The following AMER2 variants were observed in gnomAD, a reference collection of about 807,000 sequenced individuals.
AMER2 encodes the protein APC membrane recruitment protein 2.
A neutral mutation model predicts 4.7 loss-of-function variants in AMER2; 1 was observed. That is an observed-to-expected ratio of 0.21 (90% confidence interval 0.07 to 1.00). AMER2 has a LOEUF of 1.00. Ranked by LOEUF, AMER2 falls within the 50% of genes least tolerant of loss-of-function variation. The probability of loss-of-function intolerance (pLI) is 0.60; values close to 1 mark genes in which losing one functional copy is unlikely to be tolerated. For synonymous variants in AMER2, 485 were observed against 433.3 expected (o/e 1.12, Z -1.48); for missense variants, 988 against 966.9 (o/e 1.02, Z -0.29).
chr13:25,171,635 T>G lies in AMER2; in HGVS notation c.-16A>C. On this transcript the variant is annotated 5_prime_UTR_variant, in exon 1 of 1. Coordinates refer to ENST00000515384, the MANE Select transcript of AMER2 (RefSeq NM_152704.4). The surrounding 1 kb of genome is among the most constrained non-coding windows in gnomAD (Gnocchi z 5.9). The stretch of plus-strand genomic sequence containing the variant: ...TCGTCTCCATGGAAACCGCGCGGGA[T>G]AAGCCGCTTTCGTCAGCAGTGGGCT... 10 of 1,462,968 alleles carry G rather than the reference T, an allele frequency of 6.8e-6. No homozygotes were observed. Among genetic ancestry groups the G allele is most frequent in the Non-Finnish European group, 8.9e-6 (10 of 1,120,014 alleles). The allele number at this position is 1,462,968 out of a possible 1,614,324, so 90.6% of individuals were successfully genotyped here.
Position 25,162,053 on chromosome 13 carries a change from A to C in AMER2, c.*7551T>G, listed in dbSNP as rs1164567776. 8 of 152,192 alleles carry C rather than the reference A, an allele frequency of 5.3e-5. No homozygotes were observed. The highest frequency in any genetic ancestry group is 1.2e-4 in the Non-Finnish European group (8 of 68,036). 9.4% of individuals were successfully genotyped at this position (152,192 alleles called of 1,614,324 possible). On this transcript the variant is annotated 3_prime_UTR_variant, in exon 1 of 1. Transcript: ENST00000515384. The stretch of plus-strand genomic sequence containing the variant: ...AACATAGAATTAGTTCTAGGAGACA[A>C]TTTTTGATGTTTTTCAGGGGTTTAA...
chr13:25,168,207 A>T lies in AMER2; in HGVS notation c.*1397T>A, dbSNP rs1234900560. 3.3e-5 allele frequency: 5 copies of T among 152,226 alleles called. No homozygotes were observed. 9.4% of individuals were successfully genotyped at this position (152,226 alleles called of 1,614,324 possible). A position where few individuals can be genotyped will look rare whatever the true frequency, so the allele number is the denominator to read the frequency against. The stretch of plus-strand genomic sequence containing the variant: ...TCATCTGAAATATTAGAAAACATAC[A>T]TAGAAGCAAACCACTTTTCAAAAAA... On this transcript the variant is annotated 3_prime_UTR_variant, in exon 1 of 1. Coordinates refer to ENST00000515384, the MANE Select transcript of AMER2 (RefSeq NM_152704.4).
In AMER2 at chr13:25,171,244, CG is replaced by C; in HGVS notation, c.375del (p.Gly127AlafsTer41). 1 of 1,414,676 alleles carries C rather than the reference CG, an allele frequency of 7.1e-7. No individual in the cohort carries two copies. The allele number at this position is 1,414,676 out of a possible 1,614,324, so 87.6% of individuals were successfully genotyped here. A position where few individuals can be genotyped will look rare whatever the true frequency, so the allele number is the denominator to read the frequency against. ...CCGCCGCCCCCGCCGCTGTCGCCCC[CG>C]CCGCGCGGCTCCTCCTTCCTGCCGC... ...LESGRKEEPRGGGDSGGGGGG... is the reference protein window; with the variant it reads ...LESGRKEEPRXGGDSGGGGGG... On this transcript the variant is annotated frameshift_variant, in exon 1 of 1. Coordinates refer to ENST00000515384, the MANE Select transcript of AMER2 (RefSeq NM_152704.4). LOFTEE classifies it low-confidence loss of function (END_TRUNC). The surrounding 1 kb of genome is among the most constrained non-coding windows in gnomAD (Gnocchi z 5.9).
chr13:25,169,095 GT>G lies in AMER2; in HGVS notation c.*508del, dbSNP rs1956514916. The G allele has an allele frequency of 6.6e-6, 1 of 151,708 alleles. No individual in the cohort carries two copies. The allele number at this position is 151,708 out of a possible 1,614,324, so 9.4% of individuals were successfully genotyped here. On this transcript the variant is annotated 3_prime_UTR_variant, in exon 1 of 1. Transcript: ENST00000515384. This position sits in a 1 kb window ranked among gnomAD's most constrained non-coding sequence, Gnocchi z 4.2. ...ACACAGTGATACAGCAAAGGGTTTT[GT>G]TTTTGTTTTTGTTTTTTTTTAACTG...
rs940454039 is a variant in AMER2 at position 25,162,857 on chromosome 13, T to C, written c.*6747A>G. The C allele has an allele frequency of 2.6e-5, 4 of 152,178 alleles. No homozygotes were observed. The highest frequency in any genetic ancestry group is 9.7e-5 in the African/African-American group (4 of 41,438). 9.4% of individuals were successfully genotyped at this position (152,178 alleles called of 1,614,324 possible). A position where few individuals can be genotyped will look rare whatever the true frequency, so the allele number is the denominator to read the frequency against. On this transcript the variant is annotated 3_prime_UTR_variant, in exon 1 of 1. Coordinates refer to ENST00000515384, the MANE Select transcript of AMER2 (RefSeq NM_152704.4). ...CAATACCTACCTTACATGGTTCTTG[T>C]GAAGAGTAAAGATAACAATGTAAAA...
In AMER2 at chr13:25,171,439, C is replaced by G. The variant is rs1476925017; in HGVS notation, c.181G>C (p.Gly61Arg). 5.6e-6 allele frequency: 9 copies of G among 1,612,522 alleles called. No individual in the cohort carries two copies. In the Admixed American group the frequency reaches 1.5e-4, roughly 27 times the overall value. ...TTGAAGGCAGCTTTATTAATCTTCC[C>G]CGACGGCGGCTCGGCGGCCGGCGTT... Reference protein sequence around the residue: ...AETPAAEPPSGKINKAAFKLF... With the variant: ...AETPAAEPPSRKINKAAFKLF... The change falls in exon 1 of 1, where the codon GGG becomes CGG. Residue 61 changes from glycine (G) to arginine (R), a missense_variant. Gly to Arg is a moderately radical substitution (Grantham distance 125, BLOSUM62 -2). Coordinates refer to ENST00000515384, the MANE Select transcript of AMER2 (RefSeq NM_152704.4). The surrounding 1 kb of genome is among the most constrained non-coding windows in gnomAD (Gnocchi z 5.9).
chr13:25,169,994 C>T lies in AMER2; in HGVS notation c.1626G>A (p.Lys542=). 6.2e-7 allele frequency: 1 copy of T among 1,613,966 alleles called. No individual in the cohort carries two copies. Among genetic ancestry groups the T allele is most frequent in the East Asian group, 2.2e-5 (1 of 44,872 alleles). ...TGTAGCTATCCCGGGGGATGCCCGC[C>T]TTCTTCCCGCTGCTCGAGCTGTCTT... ...PEEDSSSSGK[K]AGIPRDSYSG... Residue 542 remains lysine, a synonymous_variant, in exon 1 of 1, where the codon AAG becomes AAA. Transcript: ENST00000515384. The surrounding 1 kb of genome is among the most constrained non-coding windows in gnomAD (Gnocchi z 4.2).
In AMER2 at chr13:25,169,295, C is replaced by T. The variant is rs1452598003; in HGVS notation, c.*309G>A. ...TTTCTGCAAAGGCAAGTAAAGGTGA[C>T]TTCCAAGTGTTCAGTATATTAAAGC... On this transcript the variant is annotated 3_prime_UTR_variant, in exon 1 of 1. Transcript: ENST00000515384. The surrounding 1 kb of genome is among the most constrained non-coding windows in gnomAD (Gnocchi z 4.2). 4.4e-6 allele frequency: 1 copy of T among 229,104 alleles called. No individual in the cohort carries two copies. The highest frequency in any genetic ancestry group is 9.9e-5 in the East Asian group (1 of 10,130). The allele number at this position is 229,104 out of a possible 1,614,324, so 14.2% of individuals were successfully genotyped here.
rs772487679 is a variant in AMER2, at chr13:25,169,853, T to C, written c.1767A>G (p.Pro589=). The change falls in exon 1 of 1, where the codon CCA becomes CCG. Residue 589 remains proline, a synonymous_variant. Coordinates refer to ENST00000515384, the MANE Select transcript of AMER2 (RefSeq NM_152704.4). The surrounding 1 kb of genome is among the most constrained non-coding windows in gnomAD (Gnocchi z 4.2). ...TTCGCAGTGGACAGGTGATGGTGCCTGGAGATACGGGCTTTAACCGGGACA... is the reference window on the plus strand; with the variant it reads ...TTCGCAGTGGACAGGTGATGGTGCCCGGAGATACGGGCTTTAACCGGGACA... The part of the protein sequence containing the change: ...SSLSRLKPVS[P]GTITCPLRTP... 6.8e-6 allele frequency: 11 copies of C among 1,614,008 alleles called. No individual in the cohort carries two copies. The Admixed American group carries it at 1.3e-4, about 20-fold the overall frequency.
rs1445819229 is a variant in AMER2, at chr13:25,168,762, T to C, written c.*842A>G. On this transcript the variant is annotated 3_prime_UTR_variant, in exon 1 of 1. Transcript: ENST00000515384. ...TTATCTTCACATGAAAAGGTTTCAG[T>C]TTATAAATGCTTAAATACTGTATCT... 1.3e-5 allele frequency: 2 copies of C among 152,630 alleles called. No homozygotes were observed. Among genetic ancestry groups the C allele is most frequent in the Non-Finnish European group, 2.9e-5 (2 of 68,036 alleles). The allele number at this position is 152,630 out of a possible 1,614,324, so 9.5% of individuals were successfully genotyped here.
Position 25,171,170 on chromosome 13 carries a change from G to C in AMER2, c.450C>G (p.Gly150=). 1 of 1,530,132 alleles carries C rather than the reference G, an allele frequency of 6.5e-7. No individual in the cohort carries two copies. Among genetic ancestry groups the C allele is most frequent in the South Asian group, 1.2e-5 (1 of 81,896 alleles). The allele number at this position is 1,530,132 out of a possible 1,614,324, so 94.8% of individuals were successfully genotyped here. The part of the protein sequence containing the change: ...GPPRAAGPGG[G]SLASSSVAKS... ...TGGCCACCGAGCTGCTGGCGAGGGAGCCCCCGCCGGGCCCTGCGGCTCTGG... is the reference window on the plus strand; with the variant it reads ...TGGCCACCGAGCTGCTGGCGAGGGACCCCCCGCCGGGCCCTGCGGCTCTGG... Residue 150 remains glycine (G), a synonymous_variant, in exon 1 of 1, where the codon GGC becomes GGG. Coordinates refer to ENST00000515384, the MANE Select transcript of AMER2 (RefSeq NM_152704.4). This position sits in a 1 kb window ranked among gnomAD's most constrained non-coding sequence, Gnocchi z 5.9.
In AMER2 at chr13:25,170,938, C is replaced by A. The variant is rs747079564; in HGVS notation, c.682G>T (p.Gly228Cys). The A allele has an allele frequency of 2.0e-6, 3 of 1,502,856 alleles. No homozygotes were observed. In the Admixed American group the frequency reaches 6.4e-5, roughly 32 times the overall value. The allele number at this position is 1,502,856 out of a possible 1,614,324, so 93.1% of individuals were successfully genotyped here. ...CACTCCAGGCTGGCGGTGAGCGAGC[C>A]GGGTAGGATCAAGCCGCCCCCGGGC... ...RAPGGGLILPGSLTASLECVK... is the reference protein window; with the variant it reads ...RAPGGGLILPCSLTASLECVK... Residue 228 changes from glycine to cysteine, a missense_variant, in exon 1 of 1, where the codon GGC becomes TGC. Transcript: ENST00000515384. This position sits in a 1 kb window ranked among gnomAD's most constrained non-coding sequence, Gnocchi z 7.3.
chr13:25,170,282 G>C lies in AMER2; in HGVS notation c.1338C>G (p.Thr446=). 1 of 1,613,514 alleles carries C rather than the reference G, an allele frequency of 6.2e-7. No individual in the cohort carries two copies. The highest frequency in any genetic ancestry group is 8.5e-7 in the Non-Finnish European group (1 of 1,179,814). Residue 446 remains threonine, a synonymous_variant, in exon 1 of 1, where the codon ACC becomes ACG. Transcript: ENST00000515384. This position sits in a 1 kb window ranked among gnomAD's most constrained non-coding sequence, Gnocchi z 7.3. ...LQEFWDMLSQ[T]EEQGPEPQEG... is the part of the protein sequence containing the mutation. ...CCTGGGGCTCGGGTCCCTGCTCCTC[G>C]GTCTGGGAGAGCATGTCCCAGAACT...
At position 25,162,300 on chromosome 13, in the gene AMER2, C is replaced by A. The variant is rs1288072566; in HGVS notation, c.*7304G>T. ...CTTTATATAAATAACGTGGGCGAAA[C>A]CTGAAGTTCACAATGAGCCTGCTAG... On this transcript the variant is annotated 3_prime_UTR_variant, in exon 1 of 1. Transcript: ENST00000515384. 1 of 152,004 alleles carries A rather than the reference C, an allele frequency of 6.6e-6. No homozygotes were observed. Among genetic ancestry groups the A allele is most frequent in the Non-Finnish European group, 1.5e-5 (1 of 68,020 alleles). 9.4% of individuals were successfully genotyped at this position (152,004 alleles called of 1,614,324 possible). A position where few individuals can be genotyped will look rare whatever the true frequency, so the allele number is the denominator to read the frequency against.
At position 25,164,091 on chromosome 13, in the gene AMER2, T is replaced by A. The variant is rs202223114; in HGVS notation, c.*5513A>T. ...CTGCACTCCAGCCTGGGTGACAGAG[T>A]AAGACTCCATCTCAAAAAAAAAAAA... On this transcript the variant is annotated 3_prime_UTR_variant, in exon 1 of 1. Transcript: ENST00000515384. 4 of 115,916 alleles carry A rather than the reference T, an allele frequency of 3.5e-5. No homozygotes were observed. The highest frequency in any genetic ancestry group is 1.0e-4 in the African/African-American group (3 of 29,038). 7.2% of individuals were successfully genotyped at this position (115,916 alleles called of 1,614,324 possible). A position where few individuals can be genotyped will look rare whatever the true frequency, so the allele number is the denominator to read the frequency against.
Position 25,167,808 on chromosome 13 carries a change from A to T in AMER2, c.*1796T>A. 1 of 152,118 alleles carries T rather than the reference A, an allele frequency of 6.6e-6. No homozygotes were observed. The highest frequency in any genetic ancestry group is 1.9e-4 in the East Asian group (1 of 5,192). 9.4% of individuals were successfully genotyped at this position (152,118 alleles called of 1,614,324 possible). A position where few individuals can be genotyped will look rare whatever the true frequency, so the allele number is the denominator to read the frequency against. ...ATTTGCTTTCCTTTGATGTCCATTT[A>T]TTTTGTTACTTTCTTCATATTATTA... On this transcript the variant is annotated 3_prime_UTR_variant, in exon 1 of 1. Transcript: ENST00000515384.
In AMER2 at chr13:25,170,876, C is replaced by G. The variant is rs1433540686; in HGVS notation, c.744G>C (p.Pro248=). 10 of 1,457,736 alleles carry G rather than the reference C, an allele frequency of 6.9e-6. No individual in the cohort carries two copies. The highest frequency in any genetic ancestry group is 2.7e-5 in the East Asian group (1 of 36,676). The allele number at this position is 1,457,736 out of a possible 1,614,324, so 90.3% of individuals were successfully genotyped here. ...GCGGGGCGTCCTGGCTGGGCTCCTC[C>G]GGCTCGCGCGCGGCTCTGGGCGTCT... is the stretch of plus-strand genomic sequence containing the variant. ...KEETPRAARE[P]EEPSQDAPRD... Residue 248 remains proline (P), a synonymous_variant, in exon 1 of 1, where the codon CCG becomes CCC. Transcript: ENST00000515384. This position sits in a 1 kb window ranked among gnomAD's most constrained non-coding sequence, Gnocchi z 7.3.
rs200277642 is a variant in AMER2, at chr13:25,171,507, G to A, written c.113C>T (p.Thr38Ile). Residue 38 changes from threonine (T) to isoleucine (I), a missense_variant, in exon 1 of 1, where the codon ACC (threonine) becomes ATC (isoleucine). Thr to Ile is a moderately conservative substitution (Grantham distance 89). Transcript: ENST00000515384. The surrounding 1 kb of genome is among the most constrained non-coding windows in gnomAD (Gnocchi z 5.9). ...ATGCAAGTCCATGTCTGCCGCGAGG[G>A]TCCCGGTCCCGGCCCCGGCCTCCGC... ...RKAEAGAGTG[T>I]LAADMDLHCD... The A allele has an allele frequency of 9.0e-4, 1,445 of 1,601,506 alleles. 1 individual carries two copies. The highest frequency in any genetic ancestry group is 3.8e-3 in the Middle Eastern group (23 of 6,034).
rs1956574183 is a variant in AMER2, at chr13:25,171,338, G to T, written c.282C>A (p.Ser94Arg). 2 of 1,610,170 alleles carry T rather than the reference G, an allele frequency of 1.2e-6. No individual in the cohort carries two copies. Among genetic ancestry groups the T allele is most frequent in the African/African-American group, 2.7e-5 (2 of 74,204 alleles). The change falls in exon 1 of 1, where the codon AGC becomes AGA. Residue 94 changes from serine to arginine, a missense_variant. Transcript: ENST00000515384. This position sits in a 1 kb window ranked among gnomAD's most constrained non-coding sequence, Gnocchi z 5.9. ...TCCTCACCAGCCCCGTCGGACCCGA[G>T]CTTTTCCCGTCCCCTTTGTTTTTGA... ...FGVKNKGDGK[S>R]SGPTGLVRSR...
Sources: gnomAD v4.1 joint callset for allele counts on GRCh38, gnomAD v4.1.1 for gene constraint, Gnocchi (gnomAD v3.1) non-coding constraint, MANE v1.5 for transcripts, NCBI Gene and HGNC (gene_info 2026-07-23, HGNC 2026-07-21) for gene names.